Variants in MDGA2 observed in about 807,000 individuals in gnomAD.
MDGA2 encodes MAM domain containing glycosylphosphatidylinositol anchor 2.
Under a neutral mutation model 117.8 loss-of-function variants are expected in MDGA2, and 40 were observed. The observed-to-expected ratio is 0.34, with a 90% CI of 0.26 to 0.44. The LOEUF is 0.44. MDGA2 is among the 20% of genes least tolerant of loss of function. MDGA2 has a pLI of 1.00. For synonymous variants in MDGA2, 452 were observed against 439.0 expected (o/e 1.03, Z -0.37); for missense variants, 1,123 against 1,250.6 (o/e 0.90, Z 1.54).
intron 1 of MDGA2, chr14:47,343,032 A>G (rs777314277): frequency 4.5e-5 from 57 of 1,266,296 alleles, no homozygotes; most frequent in Admixed American, 9.2e-5. Flanking sequence ...TGGGAGAAGC[A>G]GGCAGCACTA....
rs190290120 is a variant in MDGA2 at position 46,895,918 on chromosome 14, G to A, written c.2239-13697C>T. Among the ~76,000 whole-genome samples, 16 of 152,084 alleles carry A rather than the reference G, an allele frequency of 1.1e-4. No homozygotes were observed. In the East Asian group the frequency reaches 2.7e-3, roughly 26 times the overall value. On this transcript the variant is annotated intron_variant, in intron 10 of 16. Coordinates refer to ENST00000399232, the MANE Select transcript of MDGA2 (RefSeq NM_001113498.3). ...CTTTCAACTGAAGTTCTTGCTTCTG[G>A]TGAGTACCGATTACTGTCCATAGTA...
chr14:47,670,883 G>A (rs1412734339), intron 1 of MDGA2, among the ~76,000 whole-genome samples: 9 of 152,024 alleles, frequency 5.9e-5, no homozygotes, highest in Admixed American at 2.6e-4. Context: ...GCTTAAGGAA[G>A]TAAAATTTTT....
chr14:47,398,823 T>A (rs1892071830), intron 1 of MDGA2, among the ~76,000 whole-genome samples: 1 of 152,216 alleles, frequency 6.6e-6, no homozygotes, highest in Admixed American at 6.5e-5. Flanking sequence ...AGTCTCTATG[T>A]AGTACAAAGT....
intron 8 of MDGA2, among the ~76,000 whole-genome samples, chr14:46,992,830 C>A (rs143431903): frequency 6.6e-6 from 1 of 152,118 alleles, no homozygotes; most frequent in Non-Finnish European, 1.5e-5. Context: ...AAATAGCATC[C>A]ATGTCTCCCC....
In MDGA2 at chr14:47,537,573, T is replaced by TAAAAAAAAAA. The variant is rs1566504353; in HGVS notation, c.280+136943_280+136944insTTTTTTTTTT. The stretch of plus-strand genomic sequence containing the variant: ...ATTATCCACTGTTACCTTCTCTCTG[T>TAAAAAAAAAA]TAAAAAAAAAAAAAAAAAAAAAAAA... On this transcript the variant is annotated intron_variant, in intron 1 of 16. Coordinates refer to ENST00000399232, the MANE Select transcript of MDGA2 (RefSeq NM_001113498.3). Among the ~76,000 whole-genome samples, 34 of 57,100 alleles carry TAAAAAAAAAA rather than the reference T, an allele frequency of 6.0e-4. 6 individuals carry two copies. Among genetic ancestry groups the TAAAAAAAAAA allele is most frequent in the Admixed American group, 1.4e-3 (6 of 4,256 alleles). The allele number at this position is 57,100 out of a possible 152,430, so 37.5% of individuals were successfully genotyped here.
chr14:46,985,252 G>T (rs886223782), intron 8 of MDGA2, among the ~76,000 whole-genome samples: 4 of 152,134 alleles, frequency 2.6e-5, no homozygotes, highest in Middle Eastern at 3.4e-3. Context: ...TGACTAGAAA[G>T]AAGTGATAAA....
At chr14:47,071,903 T>A (rs139808823) in intron 6 of MDGA2, among the ~76,000 whole-genome samples, 1 of 152,248 alleles carries the variant, frequency 6.6e-6, no homozygotes, top group African/African-American at 2.4e-5. Context: ...ACAATCCTAG[T>A]TGTCAATCTA....
intron 1 of MDGA2, among the ~76,000 whole-genome samples, chr14:47,651,694 C>T (rs1006278105): frequency 1.3e-5 from 2 of 151,924 alleles, no homozygotes; most frequent in Non-Finnish European, 2.9e-5. Context: ...ATACTACATT[C>T]GATGAGACAA....
intron 14 of MDGA2, among the ~76,000 whole-genome samples, chr14:46,860,980 G>T (rs138543625): frequency 6.6e-6 from 1 of 151,894 alleles, no homozygotes; most frequent in Non-Finnish European, 1.5e-5. Flanking sequence ...AGAACCTCAT[G>T]TTTTTCCTCT....
chr14:47,034,602 A>G (rs936294255), intron 8 of MDGA2, among the ~76,000 whole-genome samples: 1 of 152,182 alleles, frequency 6.6e-6, no homozygotes, highest in Non-Finnish European at 1.5e-5. Context: ...TGCCTGAAGT[A>G]AAAACATGGA....
intron 15 of MDGA2, 39 bp downstream of exon 15, chr14:46,854,985 C>A (rs745325485): frequency 2.0e-6 from 3 of 1,531,078 alleles, no homozygotes; most frequent in Admixed American, 2.0e-5. Context: ...ATATTATGCT[C>A]ATTTACAGCA....
At chr14:47,529,776 A>C (rs1895055579) in intron 1 of MDGA2, among the ~76,000 whole-genome samples, 1 of 152,204 alleles carries the variant, frequency 6.6e-6, no homozygotes, top group Non-Finnish European at 1.5e-5. Context: ...ATGTTTGGCT[A>C]AATGCCGTTA....
At chr14:47,540,540 G>GTATATATATATA (rs1555330658) in intron 1 of MDGA2, among the ~76,000 whole-genome samples, 1 of 79,186 alleles carries the variant, frequency 1.3e-5, no homozygotes, top group African/African-American at 3.9e-5. Context: ...GTGTGTGTGT[G>GTATATATATATA]TATATATATA....
intron 1 of MDGA2, among the ~76,000 whole-genome samples, chr14:47,563,484 T>C (rs11157564): frequency 0.74 from 112,894 of 151,724 alleles, 42,456 homozygotes; most frequent in East Asian, 1. Flanking sequence ...ATTCCTTTAC[T>C]ATTAAGCAAT....
intron 1 of MDGA2, among the ~76,000 whole-genome samples, chr14:47,313,108 C>T (rs564692580): frequency 1.3e-5 from 2 of 151,970 alleles, no homozygotes; most frequent in East Asian, 3.9e-4. Context: ...AAAATTTGCA[C>T]AACTTTAATT....
intron 2 of MDGA2, among the ~76,000 whole-genome samples, chr14:47,269,460 T>A (rs1337203331): frequency 6.6e-6 from 1 of 152,124 alleles, no homozygotes; most frequent in Non-Finnish European, 1.5e-5. Flanking sequence ...CATTGAAAAT[T>A]TAGGAGACCA....
intron 3 of MDGA2, among the ~76,000 whole-genome samples, chr14:47,148,003 AC>A (rs1469220730): frequency 6.6e-6 from 1 of 152,130 alleles, no homozygotes; most frequent in Non-Finnish European, 1.5e-5. Flanking sequence ...ACAAGAGAAT[AC>A]CGAGAAATGA....
At chr14:47,415,586 G>T (rs1555319263) in intron 1 of MDGA2, among the ~76,000 whole-genome samples, 1 of 151,682 alleles carries the variant, frequency 6.6e-6, no homozygotes, top group Non-Finnish European at 1.5e-5. Context: ...TGTGTATATA[G>T]GAAAAAAAAC....
At chr14:47,353,783 T>C (rs1298418066) in intron 1 of MDGA2, among the ~76,000 whole-genome samples, 1 of 151,894 alleles carries the variant, frequency 6.6e-6, no homozygotes, top group Admixed American at 6.6e-5. Context: ...ACTGAAGAGG[T>C]GGGAATACTA....
Sources: allele counts gnomAD v4.1 joint callset (sites outside exome capture counted in the v4.1 genomes callset), GRCh38; gene constraint gnomAD v4.1.1; transcripts MANE v1.5; gene names NCBI Gene and HGNC (gene_info 2026-07-23, HGNC 2026-07-21).